CPD: variants seen among roughly 807,000 people sequenced by gnomAD.
CPD encodes the protein carboxypeptidase D.
CPD carries 69 observed loss-of-function variants against 138.3 expected under a neutral mutation model. That is an observed-to-expected ratio of 0.50 (90% confidence interval 0.41 to 0.61). CPD has a LOEUF of 0.61. Among genes scored for constraint, CPD ranks in the 20% least tolerant of loss-of-function variants. The probability of loss-of-function intolerance (pLI) is 0.00; values close to 1 mark genes in which losing one functional copy is unlikely to be tolerated. For missense variants in CPD, 1,432 were observed against 1,733.3 expected, an observed-to-expected ratio of 0.83 and a Z score of 3.09; for synonymous variants, 651 against 642.1, an observed-to-expected ratio of 1.01 and a Z score of -0.21.
intron 2 of CPD, among the ~76,000 whole-genome samples, chr17:30,417,232 A>C (rs1469577010): frequency 6.6e-6 from 1 of 152,104 alleles, no homozygotes; most frequent in Admixed American, 6.5e-5. Flanking sequence ...AAAGTTTTTA[A>C]ATTTTAAAAG....
intron 2 of CPD, among the ~76,000 whole-genome samples, chr17:30,402,732 G>A (rs1000926609): frequency 6.6e-6 from 1 of 152,128 alleles, no homozygotes; most frequent in Non-Finnish European, 1.5e-5. Context: ...TTATTTGAAT[G>A]TCAAATAATT....
At chr17:30,394,678 G>T (rs1489070603) in intron 2 of CPD, among the ~76,000 whole-genome samples, 1 of 152,054 alleles carries the variant, frequency 6.6e-6, no homozygotes, top group Non-Finnish European at 1.5e-5. Flanking sequence ...TTACCTAGAG[G>T]GCATGTAGGG....
chr17:30,380,881 T>A (rs1911023879), intron 1 of CPD, among the ~76,000 whole-genome samples: 1 of 152,208 alleles, frequency 6.6e-6, no homozygotes, highest in Non-Finnish European at 1.5e-5. Flanking sequence ...TTTTCCCCAT[T>A]TTTGTATCTT....
At chr17:30,424,638 G>T (rs1329926149) in intron 6 of CPD, among the ~76,000 whole-genome samples, 1 of 152,188 alleles carries the variant, frequency 6.6e-6, no homozygotes, top group East Asian at 1.9e-4. Flanking sequence ...TTGACTCTCA[G>T]TTCTACTCCC....
At chr17:30,423,439 G>GA (rs1912321358) in intron 5 of CPD, 67 bp from the exon 6 acceptor site, 4 of 1,238,868 alleles carry the variant, frequency 3.2e-6, no homozygotes, top group Non-Finnish European at 4.3e-6. Flanking sequence ...ATATGTTGCG[G>GA]AAAAAAACTG....
chr17:30,419,211 G>A (rs951701450), intron 2 of CPD, among the ~76,000 whole-genome samples: 8 of 152,050 alleles, frequency 5.3e-5, no homozygotes, highest in African/African-American at 1.4e-4. Flanking sequence ...TGTAAGCCCC[G>A]GTTCTTTGAT....
chr17:30,387,472 A>G (rs1911223016), intron 2 of CPD, among the ~76,000 whole-genome samples: 1 of 152,194 alleles, frequency 6.6e-6, no homozygotes, highest in Non-Finnish European at 1.5e-5. Flanking sequence ...TGCTATGAAA[A>G]CAGCTATTAC....
chr17:30,427,418 A>G lies in CPD; in HGVS notation c.1877A>G (p.Asn626Ser). The change falls in exon 7 of 21, where the codon AAC (asparagine) becomes AGC (serine). Residue 626 changes from asparagine to serine, a missense_variant. This residue lies in a region of CPD where 297 missense variants were observed against 405.3 expected (regional missense o/e 0.73). Coordinates refer to ENST00000225719, the MANE Select transcript of CPD (RefSeq NM_001304.5). ...GATTCAATAAGTGTAATTGGCAGAA[A>G]CAACAGCAACAACTTTGACCTGAAC... ...EGDSISVIGR[N>S]NSNNFDLNRN... The G allele has an allele frequency of 5.0e-6, 8 of 1,614,150 alleles. No individual in the cohort carries two copies. Among genetic ancestry groups the G allele is most frequent in the African/African-American group, 2.7e-5 (2 of 75,054 alleles).
rs372959172 is a variant in CPD at position 30,422,831 on chromosome 17, A to G, written c.1465A>G (p.Thr489Ala). 22 of 1,613,986 alleles carry G rather than the reference A, an allele frequency of 1.4e-5. No individual in the cohort carries two copies. Among genetic ancestry groups the G allele is most frequent in the Non-Finnish European group, 1.9e-5 (22 of 1,179,986 alleles). Reference sequence around the variant, plus strand: ...TGCTATACCTAATATTCTTTCTGGAACATCATCCTCCTACCAGCCAATTCA... The same window carrying G: ...TGCTATACCTAATATTCTTTCTGGAGCATCATCCTCCTACCAGCCAATTCA... ...TVAIPNILSG[T>A]SSSYQPIQPK... The change falls in exon 5 of 21, where the codon ACA (threonine) becomes GCA (alanine). Residue 489 changes from threonine to alanine, a missense_variant. Around this residue, in one of 6 missense-constraint regions of CPD, gnomAD observed 160 missense variants for 197.9 expected, o/e 0.81. Coordinates refer to ENST00000225719, the MANE Select transcript of CPD (RefSeq NM_001304.5).
At chr17:30,388,410 G>C (rs1436466910) in intron 2 of CPD, among the ~76,000 whole-genome samples, 1 of 152,206 alleles carries the variant, frequency 6.6e-6, no homozygotes, top group Admixed American at 6.5e-5. Context: ...AGCCAGTGCT[G>C]AGTCGCCCTC....
intron 17 of CPD, 73 bp downstream of exon 17, chr17:30,456,599 T>G: frequency 1.4e-6 from 2 of 1,471,132 alleles, no homozygotes; most frequent in Non-Finnish European, 1.9e-6. Flanking sequence ...CCCAGTGCTT[T>G]GGGAGGCCAA....
Position 30,422,784 on chromosome 17 carries a change from C to T in CPD, c.1418C>T (p.Ala473Val). ...TCAGTAATCCCTGACACGACAGAGG[C>T]TGTATCAACTGCTAGCACAGTTGCT... ...VTSVIPDTTEAVSTASTVAIP... is the reference protein window; with the variant it reads ...VTSVIPDTTEVVSTASTVAIP... The change falls in exon 5 of 21, where the codon GCT becomes GTT. Residue 473 changes from alanine (A) to valine (V), a missense_variant. Around this residue, in one of 6 missense-constraint regions of CPD, gnomAD observed 160 missense variants for 197.9 expected, o/e 0.81. Transcript: ENST00000225719. The T allele has an allele frequency of 6.2e-7, 1 of 1,614,042 alleles. No homozygotes were observed. The highest frequency in any genetic ancestry group is 1.1e-5 in the South Asian group (1 of 91,084).
chr17:30,441,686 T>C (rs1275954940), intron 9 of CPD, among the ~76,000 whole-genome samples: 1 of 124,276 alleles, frequency 8.0e-6, no homozygotes, highest in Non-Finnish European at 1.7e-5. Context: ...TTTTTGTCTT[T>C]GGTTCTGTTT....
intron 18 of CPD, 35 bp from the exon 19 acceptor site, chr17:30,461,842 G>T: frequency 6.5e-7 from 1 of 1,535,416 alleles, no homozygotes; most frequent in South Asian, 1.3e-5. Context: ...CTGGCATTAT[G>T]ACAACATAAA....
chr17:30,459,888 G>A (rs1273937575), intron 17 of CPD, among the ~76,000 whole-genome samples: 1 of 152,126 alleles, frequency 6.6e-6, no homozygotes, highest in Non-Finnish European at 1.5e-5. Flanking sequence ...TTATTCACAT[G>A]TGCAACCAGA....
intron 17 of CPD, among the ~76,000 whole-genome samples, chr17:30,458,967 CGTTT>C (rs1913379810): frequency 2.0e-5 from 3 of 151,382 alleles, no homozygotes; most frequent in South Asian, 2.1e-4. Context: ...AGTTCAACTT[CGTTT>C]GTTTGTATGT....
At chr17:30,397,946 G>C (rs1159287868) in intron 2 of CPD, among the ~76,000 whole-genome samples, 1 of 151,316 alleles carries the variant, frequency 6.6e-6, no homozygotes, top group African/African-American at 2.4e-5. Flanking sequence ...AAGAGGCCAA[G>C]GTGGGAGGAT....
rs140903646 is a variant in CPD, at chr17:30,432,881, A to G, written c.2127+1000A>G. ...TTGAAGTGAGCTTGATCACAATACT[A>G]TACTCTAGCCTGGGTGACAAAGCTG... On this transcript the variant is annotated intron_variant, in intron 8 of 20. Transcript: ENST00000225719. Among the ~76,000 whole-genome samples, 476 of 152,294 alleles carry G rather than the reference A, an allele frequency of 3.1e-3. 3 individuals are homozygous for G. The highest frequency in any genetic ancestry group is 0.031 in the Middle Eastern group (9 of 294).
intron 1 of CPD, among the ~76,000 whole-genome samples, chr17:30,382,985 C>T (rs1053094432): frequency 2.0e-5 from 3 of 152,190 alleles, no homozygotes; most frequent in Non-Finnish European, 4.4e-5. Flanking sequence ...CCCCAGCCTT[C>T]TTATAACTTT....
Sources: gnomAD v4.1 joint callset for allele counts (sites outside exome capture counted in the v4.1 genomes callset) on GRCh38, gnomAD v4.1.1 for gene constraint, gnomAD v4.1.1 regional missense constraint, MANE v1.5 for transcripts, NCBI Gene and HGNC (gene_info 2026-07-23, HGNC 2026-07-21) for gene names.